SPAG16: variants seen among roughly 807,000 people sequenced by gnomAD.
SPAG16 encodes the protein sperm associated antigen 16.
SPAG16 carries 86 observed loss-of-function variants against 80.4 expected under a neutral mutation model. The observed-to-expected ratio is 1.07, with a 90% CI of 0.90 to 1.28. The LOEUF (loss-of-function observed/expected upper bound fraction) is 1.28. Among genes scored for constraint, SPAG16 ranks in the 50% most tolerant of loss-of-function variants. The probability of loss-of-function intolerance (pLI) is 0.00; values close to 1 mark genes in which losing one functional copy is unlikely to be tolerated. For missense variants in SPAG16, 870 were observed against 765.3 expected (o/e 1.14, Z -1.61); for synonymous variants, 294 against 265.9 (o/e 1.11, Z -1.03).
chr2:213,932,939 G>T, intron 12 of SPAG16, among the ~76,000 whole-genome samples: 1 of 111,304 alleles, frequency 9.0e-6, no homozygotes, highest in African/African-American at 3.4e-5. Flanking sequence ...TCACTTAATG[G>T]TTGTTTGAAA....
intron 15 of SPAG16, among the ~76,000 whole-genome samples, chr2:214,274,530 T>A (rs1692298373): frequency 6.6e-6 from 1 of 152,150 alleles, no homozygotes; most frequent in Non-Finnish European, 1.5e-5. Context: ...GTCAAAGGCC[T>A]TTTTTCTGCA....
chr2:213,826,889 T>A (rs1477071313), intron 10 of SPAG16, among the ~76,000 whole-genome samples: 1 of 152,010 alleles, frequency 6.6e-6, no homozygotes, highest in African/African-American at 2.4e-5. Context: ...TCTCTAATAA[T>A]ATTTACTTTA....
At chr2:214,130,907 A>G (rs2054731500) in intron 14 of SPAG16, among the ~76,000 whole-genome samples, 1 of 152,140 alleles carries the variant, frequency 6.6e-6, no homozygotes, top group African/African-American at 2.4e-5. Flanking sequence ...AGTTTCAAAA[A>G]TTGTCTTTAG....
intron 13 of SPAG16, among the ~76,000 whole-genome samples, chr2:214,078,760 T>A (rs1189311744): frequency 2.6e-5 from 4 of 152,146 alleles, no homozygotes; most frequent in African/African-American, 9.7e-5. Context: ...ATGATAAATA[T>A]CTTTAGGGGT....
chr2:213,580,273 A>G (rs976256042), intron 10 of SPAG16, among the ~76,000 whole-genome samples: 1 of 152,118 alleles, frequency 6.6e-6, no homozygotes, highest in South Asian at 2.1e-4. Flanking sequence ...ATACTTCTCC[A>G]CAAATACCCA....
chr2:214,063,133 C>T (rs2050362103), intron 13 of SPAG16, among the ~76,000 whole-genome samples: 1 of 151,974 alleles, frequency 6.6e-6, no homozygotes, highest in African/African-American at 2.4e-5. Flanking sequence ...GTATGTTATA[C>T]TAATAGCACA....
At chr2:213,731,299 G>A (rs763792064) in intron 10 of SPAG16, among the ~76,000 whole-genome samples, 20 of 151,552 alleles carry the variant, frequency 1.3e-4, no homozygotes, top group Admixed American at 4.0e-4. Flanking sequence ...TAGGATTACA[G>A]GCACCCACTA....
chr2:213,860,449 G>GTC (rs2075391049), intron 10 of SPAG16, among the ~76,000 whole-genome samples: 1 of 119,290 alleles, frequency 8.4e-6, no homozygotes, highest in Non-Finnish European at 1.8e-5. Flanking sequence ...ATAGATATAT[G>GTC]TATATATATA....
intron 11 of SPAG16, among the ~76,000 whole-genome samples, chr2:213,870,841 A>C (rs566992544): frequency 6.6e-6 from 1 of 152,160 alleles, no homozygotes; most frequent in Non-Finnish European, 1.5e-5. Context: ...TAAAAAACCC[A>C]TAGGAATGCT....
chr2:213,317,703 A>C, intron 5 of SPAG16: 1 of 989,910 alleles, frequency 1.0e-6, no homozygotes, highest in South Asian at 4.6e-5. Flanking sequence ...ATTTATAGAA[A>C]GCCGAGAGGA....
At chr2:213,852,641 T>G (rs888687943) in intron 10 of SPAG16, among the ~76,000 whole-genome samples, 5 of 152,196 alleles carry the variant, frequency 3.3e-5, no homozygotes, top group African/African-American at 1.2e-4. Flanking sequence ...CTTGTCATTC[T>G]GGTCTCAGCT....
chr2:213,375,223 G>A lies in SPAG16; in HGVS notation c.942+104G>A, dbSNP rs1029502826. ...TATTTTACCGGAAAAGGAATTTAGAGGTTATATATTCCGGGCTGCTTGGTT... is the reference window on the plus strand; with the variant it reads ...TATTTTACCGGAAAAGGAATTTAGAAGTTATATATTCCGGGCTGCTTGGTT... On this transcript the variant is annotated intron_variant, in intron 9 of 15. Transcript: ENST00000331683. 1.2e-4 allele frequency: 98 copies of A among 820,254 alleles called. No individual in the cohort carries two copies. The African/African-American group carries it at 1.6e-3, about 14-fold the overall frequency. 50.8% of individuals were successfully genotyped at this position (820,254 alleles called of 1,614,324 possible).
chr2:214,243,770 T>TA (rs1480071136), intron 15 of SPAG16, among the ~76,000 whole-genome samples: 1 of 152,152 alleles, frequency 6.6e-6, no homozygotes, highest in Admixed American at 6.6e-5. Flanking sequence ...TAAATTGTGT[T>TA]ATGAAATATC....
intron 10 of SPAG16, among the ~76,000 whole-genome samples, chr2:213,782,105 T>A (rs1300871856): frequency 3.3e-5 from 5 of 152,184 alleles, no homozygotes; most frequent in Non-Finnish European, 7.4e-5. Context: ...AAATACTATC[T>A]CATTTCAAAG....
intron 10 of SPAG16, among the ~76,000 whole-genome samples, chr2:213,659,453 C>T (rs2063340660): frequency 6.6e-6 from 1 of 151,738 alleles, no homozygotes; most frequent in African/African-American, 2.4e-5. Flanking sequence ...TAAAAAATTG[C>T]AATTATAAAG....
At chr2:213,330,461 C>T (rs1000737509) in intron 5 of SPAG16, among the ~76,000 whole-genome samples, 1 of 152,202 alleles carries the variant, frequency 6.6e-6, no homozygotes, top group African/African-American at 2.4e-5. Context: ...GGATTTTGCA[C>T]TTGCATGGGG....
At chr2:213,929,828 A>C (rs1381143673) in intron 11 of SPAG16, 132 bp from the exon 12 acceptor site, 1 of 717,514 alleles carries the variant, frequency 1.4e-6, no homozygotes, top group East Asian at 2.8e-5. Flanking sequence ...ATATTTAGTC[A>C]TTTAGATATG....
chr2:213,739,420 C>T (rs1242436301), intron 10 of SPAG16, among the ~76,000 whole-genome samples: 1 of 152,032 alleles, frequency 6.6e-6, no homozygotes, highest in Admixed American at 6.6e-5. Context: ...TTCTTTCTTC[C>T]CTAAGTTTCA....
chr2:213,899,822 T>C (rs1461447242), intron 11 of SPAG16, among the ~76,000 whole-genome samples: 1 of 151,940 alleles, frequency 6.6e-6, no homozygotes, highest in Non-Finnish European at 1.5e-5. Context: ...AATAAAGAGG[T>C]TTTTTTCTAT....
Sources: allele counts gnomAD v4.1 joint callset (sites outside exome capture counted in the v4.1 genomes callset), GRCh38; gene constraint gnomAD v4.1.1; transcripts MANE v1.5; gene names NCBI Gene and HGNC (gene_info 2026-07-23, HGNC 2026-07-21).